The following BAZ1B variants were observed in gnomAD, a reference collection of about 807,000 sequenced individuals.
BAZ1B encodes the protein bromodomain adjacent to zinc finger domain 1B.
Under a neutral mutation model 153.8 loss-of-function variants are expected in BAZ1B, and 22 were observed. The ratio of observed to expected loss-of-function variants is 0.14; its 90% confidence interval spans 0.10 to 0.20. The LOEUF is 0.20. Ranked by LOEUF, BAZ1B falls within the 10% of genes least tolerant of loss-of-function variation. The probability of loss-of-function intolerance (pLI) is 1.00; values close to 1 mark genes in which losing one functional copy is unlikely to be tolerated. For missense variants in BAZ1B, 1,325 were observed against 1,799.3 expected (o/e 0.74, Z 4.77); for synonymous variants, 676 against 633.4 (o/e 1.07, Z -1.01).
intron 13 of BAZ1B, among the ~76,000 whole-genome samples, chr7:73,453,348 A>G (rs1788083479): frequency 6.6e-6 from 1 of 152,186 alleles, no homozygotes; most frequent in African/African-American, 2.4e-5. Context: ...TTCCTCCCCA[A>G]CTAAGCTAAG....
At chr7:73,453,936 C>T (rs1294236548) in intron 13 of BAZ1B, among the ~76,000 whole-genome samples, 2 of 152,174 alleles carry the variant, frequency 1.3e-5, no homozygotes, top group Non-Finnish European at 2.9e-5. Context: ...CAAGATCACA[C>T]CACTGCACCC....
At chr7:73,449,754 A>G in intron 14 of BAZ1B, 65 bp from the exon 15 acceptor site, 2 of 1,545,372 alleles carry the variant, frequency 1.3e-6, no homozygotes, top group Admixed American at 3.6e-5. Flanking sequence ...GCTGTAAGGA[A>G]GAGGCAATCA....
intron 1 of BAZ1B, 46 bp downstream of exon 1, chr7:73,521,781 C>A: frequency 3.5e-6 from 5 of 1,446,438 alleles, no homozygotes; most frequent in Non-Finnish European, 4.6e-6. Flanking sequence ...GGCCCTACCC[C>A]GGCCCAGCCC....
chr7:73,485,352 G>A (rs1554574334), intron 6 of BAZ1B, among the ~76,000 whole-genome samples: 2 of 152,120 alleles, frequency 1.3e-5, no homozygotes, highest in African/African-American at 4.8e-5. Flanking sequence ...CAGATGCAGT[G>A]GCTCACGCCT....
chr7:73,472,689 G>A (rs1583909203), intron 7 of BAZ1B, among the ~76,000 whole-genome samples: 1 of 152,132 alleles, frequency 6.6e-6, no homozygotes, highest in South Asian at 2.1e-4. Flanking sequence ...CGATTCTCCT[G>A]CCGCAGCCTC....
intron 6 of BAZ1B, among the ~76,000 whole-genome samples, chr7:73,482,087 A>G (rs531482036): frequency 2.0e-5 from 3 of 152,280 alleles, no homozygotes; most frequent in Non-Finnish European, 4.4e-5. Flanking sequence ...GTTGTTCCCC[A>G]ATCTCCAATA....
rs782319482 is a variant in BAZ1B, at chr7:73,442,506, G to A, written c.4142C>T (p.Thr1381Met). ...DEAEDYYDVITHPMDFQTVQN... is the reference protein window; with the variant it reads ...DEAEDYYDVIMHPMDFQTVQN... ...CACTGTCTGAAAGTCCATGGGGTGCGTGATCACATCATAGTAGTCCTCGGC... is the reference window on the plus strand; with the variant it reads ...CACTGTCTGAAAGTCCATGGGGTGCATGATCACATCATAGTAGTCCTCGGC... Residue 1381 changes from threonine to methionine, a missense_variant, in exon 19 of 20, where the codon ACG becomes ATG. Thr to Met is a moderately conservative substitution (Grantham distance 81). Coordinates refer to ENST00000339594, the MANE Select transcript of BAZ1B (RefSeq NM_032408.4). 2.5e-6 allele frequency: 4 copies of A among 1,614,122 alleles called. No homozygotes were observed. The highest frequency in any genetic ancestry group is 1.7e-4 in the Middle Eastern group (1 of 6,060).
intron 7 of BAZ1B, among the ~76,000 whole-genome samples, chr7:73,472,058 G>C (rs1028306799): frequency 1.3e-5 from 2 of 152,116 alleles, no homozygotes; most frequent in Admixed American, 6.5e-5. Context: ...TCCAAATACT[G>C]ATCTTGGTAA....
rs1183143349 is a variant in BAZ1B, at chr7:73,521,976, C to T, written c.-43G>A. On this transcript the variant is annotated 5_prime_UTR_variant, in exon 1 of 20. Transcript: ENST00000339594. ...GGACTGGCGGCTGCTGGGGCCGGCCCCGCGGCGCAGCACTAGGCCCCGCGG... is the reference window on the plus strand; with the variant it reads ...GGACTGGCGGCTGCTGGGGCCGGCCTCGCGGCGCAGCACTAGGCCCCGCGG... 7.4e-7 allele frequency: 1 copy of T among 1,356,944 alleles called. No homozygotes were observed. The highest frequency in any genetic ancestry group is 9.5e-7 in the Non-Finnish European group (1 of 1,048,068). The allele number at this position is 1,356,944 out of a possible 1,614,324, so 84.1% of individuals were successfully genotyped here. A position where few individuals can be genotyped will look rare whatever the true frequency, so the allele number is the denominator to read the frequency against.
In BAZ1B at chr7:73,459,226, G is replaced by A. The variant is rs182942393; in HGVS notation, c.3432+310C>T. On this transcript the variant is annotated intron_variant, in intron 13 of 19. Transcript: ENST00000339594. ...TTGCACCACTGCACTCCAGCCTGGT[G>A]ACAGAGCGAGACTCCATCTCAAAAA... 4.0e-4 allele frequency among the ~76,000 whole-genome samples: 60 copies of A among 149,310 alleles called. 1 individual carries two copies. Among genetic ancestry groups the A allele is most frequent in the African/African-American group, 1.4e-3 (56 of 40,514 alleles).
intron 1 of BAZ1B, among the ~76,000 whole-genome samples, chr7:73,512,537 T>C (rs1554578740): frequency 6.6e-6 from 1 of 152,186 alleles, no homozygotes; most frequent in Non-Finnish European, 1.5e-5. Context: ...TTAGACAGTC[T>C]TCGTGAGGGA....
chr7:73,489,978 A>G (rs1653330419), intron 5 of BAZ1B, among the ~76,000 whole-genome samples: 1 of 152,216 alleles, frequency 6.6e-6, no homozygotes, highest in South Asian at 2.1e-4. Context: ...TAATAGCAAA[A>G]AAGTGAGGAA....
chr7:73,444,870 A>C (rs1183321813), intron 16 of BAZ1B, among the ~76,000 whole-genome samples: 3 of 152,068 alleles, frequency 2.0e-5, no homozygotes, highest in Non-Finnish European at 2.9e-5. Context: ...CAAAATTAGC[A>C]GGGCGTGGTG....
At chr7:73,443,903 T>A in intron 17 of BAZ1B, 81 bp downstream of exon 17, 1 of 1,600,176 alleles carries the variant, frequency 6.2e-7, no homozygotes, top group South Asian at 1.1e-5. Context: ...CCCTCCCACC[T>A]GTTGCCTGAT....
intron 13 of BAZ1B, among the ~76,000 whole-genome samples, chr7:73,457,824 G>A (rs146121747): frequency 2.0e-5 from 3 of 152,252 alleles, no homozygotes; most frequent in Admixed American, 6.5e-5. Flanking sequence ...TAAGCTCTAC[G>A]AAGATACTGG....
At position 73,470,403 on chromosome 7, in the gene BAZ1B, C is replaced by T. The variant is rs782544586; in HGVS notation, c.2674G>A (p.Ala892Thr). 3 of 1,614,108 alleles carry T rather than the reference C, an allele frequency of 1.9e-6. No individual in the cohort carries two copies. Among genetic ancestry groups the T allele is most frequent in the Non-Finnish European group, 2.5e-6 (3 of 1,180,016 alleles). ...CTGCGCATGACTAGTTTGGCCTTGG[C>T]AATCCCTTCCTGGAAAGCTTTCTCA... is the stretch of plus-strand genomic sequence containing the variant. ...AAEKAFQEGI[A>T]KAKLVMRRTP... The change falls in exon 8 of 20, where the codon GCC becomes ACC. Residue 892 changes from alanine to threonine, a missense_variant. This residue lies in a region of BAZ1B where 431 missense variants were observed against 563.5 expected (regional missense o/e 0.76). Coordinates refer to ENST00000339594, the MANE Select transcript of BAZ1B (RefSeq NM_032408.4).
At chr7:73,520,365 T>C (rs1465914140) in intron 1 of BAZ1B, among the ~76,000 whole-genome samples, 1 of 152,072 alleles carries the variant, frequency 6.6e-6, no homozygotes, top group African/African-American at 2.4e-5. Context: ...TATACCATAA[T>C]GACAAAAAAG....
intron 7 of BAZ1B, 74 bp downstream of exon 7, chr7:73,476,794 C>T: frequency 1.3e-6 from 2 of 1,523,442 alleles, no homozygotes; most frequent in South Asian, 1.4e-5. Flanking sequence ...GAGACCCTAC[C>T]ATTACCTCAG....
chr7:73,474,764 G>A (rs992694263), intron 7 of BAZ1B, among the ~76,000 whole-genome samples: 6 of 152,112 alleles, frequency 3.9e-5, no homozygotes, highest in Admixed American at 1.3e-4. Context: ...AAAAAAGAGC[G>A]CAACTCCGTC....
Sources: gnomAD v4.1 joint callset for allele counts (sites outside exome capture counted in the v4.1 genomes callset) on GRCh38, gnomAD v4.1.1 for gene constraint, gnomAD v4.1.1 regional missense constraint, MANE v1.5 for transcripts, NCBI Gene and HGNC (gene_info 2026-07-23, HGNC 2026-07-21) for gene names.